Variants in ATP10D observed in about 807,000 individuals in gnomAD.
The protein encoded by ATP10D is ATPase phospholipid transporting 10D (putative), also known as phospholipid-transporting ATPase VD.
Under a neutral mutation model 144.8 loss-of-function variants are expected in ATP10D, and 89 were observed. That is an observed-to-expected ratio of 0.61 (90% CI 0.52 to 0.73). The LOEUF is 0.73. ATP10D is among the 30% of genes least tolerant of loss of function. The pLI is 0.00. For synonymous variants in ATP10D, 571 were observed against 615.1 expected (o/e 0.93, Z 1.06); for missense variants, 1,603 against 1,714.8 (o/e 0.93, Z 1.15).
At chr4:47,548,563 A>G (rs1255963282) in intron 10 of ATP10D, among the ~76,000 whole-genome samples, 2 of 152,146 alleles carry the variant, frequency 1.3e-5, no homozygotes, top group African/African-American at 4.8e-5. Flanking sequence ...TCCATTCTCA[A>G]TAAAGTATTT....
Position 47,587,156 on chromosome 4 carries a change from A to C in ATP10D, c.3891A>C (p.Pro1297=). 2.5e-6 allele frequency: 4 copies of C among 1,614,066 alleles called. No homozygotes were observed. The highest frequency in any genetic ancestry group is 3.4e-6 in the Non-Finnish European group (4 of 1,179,944). The change falls in exon 22 of 23, where the codon CCA becomes CCC. Residue 1297 remains proline, a synonymous_variant. Transcript: ENST00000273859. Reference sequence around the variant, plus strand: ...TTATGCAGGAGCACATGCTGGATCCAGTATTCTACTTAGTTTGTATCCTCA... The same window carrying C: ...TTATGCAGGAGCACATGCTGGATCCCGTATTCTACTTAGTTTGTATCCTCA... ...YWIMQEHMLD[P]VFYLVCILTT...
At chr4:47,569,186 C>G in intron 16 of ATP10D, 40 bp downstream of exon 16, 1 of 1,581,570 alleles carries the variant, frequency 6.3e-7, no homozygotes, top group South Asian at 1.1e-5. Flanking sequence ...TTCTCCCTTT[C>G]ACACCACACC....
At chr4:47,559,082 T>C in intron 13 of ATP10D, 53 bp downstream of exon 13, 1 of 1,432,726 alleles carries the variant, frequency 7.0e-7, no homozygotes, top group Non-Finnish European at 9.8e-7. Context: ...TGTTTAGCTA[T>C]CACTGACTGA....
At chr4:47,512,027 T>C (rs1716360630) in intron 1 of ATP10D, among the ~76,000 whole-genome samples, 1 of 152,250 alleles carries the variant, frequency 6.6e-6, no homozygotes, top group African/African-American at 2.4e-5. Flanking sequence ...CAGAGAGTTA[T>C]GCTTGCAGAG....
chr4:47,581,408 A>C (rs1577707816), intron 20 of ATP10D, among the ~76,000 whole-genome samples: 1 of 152,192 alleles, frequency 6.6e-6, no homozygotes, highest in African/African-American at 2.4e-5. Flanking sequence ...CTAAATTGAC[A>C]ATTTTTATTC....
At chr4:47,585,400 C>A (rs1463486089) in intron 21 of ATP10D, among the ~76,000 whole-genome samples, 2 of 151,900 alleles carry the variant, frequency 1.3e-5, no homozygotes, top group African/African-American at 2.4e-5. Flanking sequence ...TTATTATGTA[C>A]ATGAGATGTT....
intron 3 of ATP10D, among the ~76,000 whole-genome samples, chr4:47,515,888 C>T (rs2109403457): frequency 6.6e-6 from 1 of 152,230 alleles, no homozygotes; most frequent in South Asian, 2.1e-4. Context: ...ACCCAGGAGC[C>T]GACAAAGCAA....
At position 47,563,690 on chromosome 4, in the gene ATP10D, A is replaced by G. The variant is rs772336530; in HGVS notation, c.2778A>G (p.Thr926=). 1.9e-6 allele frequency: 3 copies of G among 1,614,060 alleles called. No homozygotes were observed. In the South Asian group the frequency reaches 3.3e-5, roughly 18 times the overall value. Reference sequence around the variant, plus strand: ...TGCTGACAGGGGACAAGCAGGAGACAGCTGTCAACATAGCTTATGCATGCA... The same window carrying G: ...TGCTGACAGGGGACAAGCAGGAGACGGCTGTCAACATAGCTTATGCATGCA... ...IWMLTGDKQE[T]AVNIAYACKL... Residue 926 remains threonine (T), a synonymous_variant, in exon 15 of 23, where the codon ACA becomes ACG. Transcript: ENST00000273859.
At chr4:47,517,919 TA>T (rs1301311096) in intron 3 of ATP10D, among the ~76,000 whole-genome samples, 2 of 152,210 alleles carry the variant, frequency 1.3e-5, no homozygotes, top group African/African-American at 4.8e-5. Context: ...TGTTTCTTAA[TA>T]GGCTCAGGTA....
At chr4:47,574,897 G>T (rs1016852150) in intron 18 of ATP10D, among the ~76,000 whole-genome samples, 2 of 151,988 alleles carry the variant, frequency 1.3e-5, no homozygotes, top group African/African-American at 4.8e-5. Context: ...GCCTCCCGAG[G>T]TCAAGCTAAC....
rs1450788348 is a variant in ATP10D, at chr4:47,592,253, G to A, written c.*872G>A. On this transcript the variant is annotated 3_prime_UTR_variant, in exon 23 of 23. Transcript: ENST00000273859. The stretch of plus-strand genomic sequence containing the variant: ...TAAAACTGACAGTAGCCTGATCAAA[G>A]TGATACAATCAATTTCAAAACAATC... 1 of 152,554 alleles carries A rather than the reference G, an allele frequency of 6.6e-6. No homozygotes were observed. Among genetic ancestry groups the A allele is most frequent in the Non-Finnish European group, 1.5e-5 (1 of 68,016 alleles). 9.5% of individuals were successfully genotyped at this position (152,554 alleles called of 1,614,324 possible).
intron 10 of ATP10D, among the ~76,000 whole-genome samples, chr4:47,552,847 A>G (rs1718793037): frequency 6.6e-6 from 1 of 152,204 alleles, no homozygotes; most frequent in Non-Finnish European, 1.5e-5. Context: ...GAAGTCTCTA[A>G]AAAATAGAAT....
intron 11 of ATP10D, 144 bp from the exon 12 acceptor site, chr4:47,557,520 T>C (rs1577681308): frequency 5.9e-6 from 4 of 677,116 alleles, no homozygotes; most frequent in African/African-American, 5.5e-5. Context: ...ATATTTTCCA[T>C]GGCGGTCGTA....
chr4:47,493,561 A>G (rs1278517134), intron 1 of ATP10D, among the ~76,000 whole-genome samples: 1 of 152,048 alleles, frequency 6.6e-6, no homozygotes, highest in Non-Finnish European at 1.5e-5. Context: ...AGGTTAGTGT[A>G]TGACATGCAC....
chr4:47,546,630 G>T lies in ATP10D; in HGVS notation c.1403G>T (p.Arg468Met). Reference sequence around the variant, plus strand: ...TGTGCTTTTTATCCCACAGCCAGGAGGTTGGAGTCCTATCAGGAAGCTGTC... The same window carrying T: ...TGTGCTTTTTATCCCACAGCCAGGATGTTGGAGTCCTATCAGGAAGCTGTC... ...FDYCHEENAR[R>M]LESYQEAVSE... Residue 468 changes from arginine to methionine, a missense_variant, in exon 10 of 23, where the codon AGG (arginine) becomes ATG (methionine). Physicochemically the swap from Arg to Met is moderately conservative, Grantham distance 91. Transcript: ENST00000273859. 6.2e-7 allele frequency: 1 copy of T among 1,613,932 alleles called. No individual in the cohort carries two copies.
chr4:47,490,743 G>A (rs1215744396), intron 1 of ATP10D, among the ~76,000 whole-genome samples: 1 of 152,206 alleles, frequency 6.6e-6, no homozygotes, highest in Admixed American at 6.5e-5. Context: ...TGTTGCCCTT[G>A]TCAGCCAGTA....
intron 10 of ATP10D, among the ~76,000 whole-genome samples, chr4:47,549,730 C>T (rs113021853): frequency 2.0e-5 from 3 of 152,252 alleles, no homozygotes; most frequent in African/African-American, 4.8e-5. Flanking sequence ...GGAATGATCA[C>T]CTCTAAGGGA....
At chr4:47,492,253 A>G (rs1486739147) in intron 1 of ATP10D, among the ~76,000 whole-genome samples, 1 of 152,226 alleles carries the variant, frequency 6.6e-6, no homozygotes, top group East Asian at 1.9e-4. Context: ...CAGAAAGGCT[A>G]AAAGCTTGTG....
intron 1 of ATP10D, chr4:47,490,950 A>G: frequency 5.7e-6 from 3 of 526,456 alleles, no homozygotes; most frequent in Admixed American, 6.0e-5. Context: ...TTCAGTCAGA[A>G]GTCTTTTATT....
Sources: allele counts gnomAD v4.1 joint callset (sites outside exome capture counted in the v4.1 genomes callset), GRCh38; gene constraint gnomAD v4.1.1; transcripts MANE v1.5; gene names NCBI Gene and HGNC (gene_info 2026-07-23, HGNC 2026-07-21).